The following NXPH1 variants were observed in gnomAD, a reference collection of about 807,000 sequenced individuals.
NXPH1 encodes neurexophilin-1.
NXPH1 carries 5 observed loss-of-function variants against 23.7 expected under a neutral mutation model. The observed-to-expected ratio is 0.21, with a 90% confidence interval of 0.11 to 0.44. The LOEUF is 0.44. NXPH1 is among the 20% of genes least tolerant of loss of function. The pLI is 0.99. For missense variants in NXPH1, 324 were observed against 321.6 expected, an observed-to-expected ratio of 1.01 and a Z score of -0.06; for synonymous variants, 144 against 122.2, an observed-to-expected ratio of 1.18 and a Z score of -1.18.
At chr7:8,579,914 G>A (rs752793058) in intron 2 of NXPH1, among the ~76,000 whole-genome samples, 12 of 152,296 alleles carry the variant, frequency 7.9e-5, no homozygotes, top group East Asian at 1.9e-4. Context: ...TGCATTGAAT[G>A]CCTCTGGCTT....
intron 2 of NXPH1, among the ~76,000 whole-genome samples, chr7:8,732,077 A>G (rs574939645): frequency 2.6e-5 from 4 of 152,316 alleles, no homozygotes; most frequent in African/African-American, 7.2e-5. Context: ...GAAAAGCGCA[A>G]TATTCGGGTG....
chr7:8,722,079 G>A (rs1779979181), intron 2 of NXPH1, among the ~76,000 whole-genome samples: 1 of 151,936 alleles, frequency 6.6e-6, no homozygotes, highest in Admixed American at 6.6e-5. Flanking sequence ...TTCATTAGAG[G>A]GTGAAAAGTA....
chr7:8,616,661 CA>C (rs537418912), intron 2 of NXPH1, among the ~76,000 whole-genome samples: 30 of 151,936 alleles, frequency 2.0e-4, no homozygotes, highest in African/African-American at 7.0e-4. Context: ...GCATGGCAGC[CA>C]GGGGGGACTG....
intron 2 of NXPH1, among the ~76,000 whole-genome samples, chr7:8,526,290 T>C (rs1042108527): frequency 1.1e-4 from 17 of 152,216 alleles, no homozygotes; most frequent in African/African-American, 4.1e-4. Context: ...GTAGCTGTAT[T>C]TAACTAATGC....
At chr7:8,450,724 A>G (rs925474619) in intron 2 of NXPH1, among the ~76,000 whole-genome samples, 33 of 152,222 alleles carry the variant, frequency 2.2e-4, no homozygotes, top group Non-Finnish European at 4.1e-4. Context: ...TTTCACCTTT[A>G]TGTGGATTTA....
intron 2 of NXPH1, among the ~76,000 whole-genome samples, chr7:8,511,900 T>G (rs1459937845): frequency 6.6e-6 from 1 of 152,110 alleles, no homozygotes; most frequent in East Asian, 1.9e-4. Context: ...CAAGGTTGAC[T>G]GAAAGAAAGT....
At chr7:8,739,500 A>C (rs1780324970) in intron 2 of NXPH1, among the ~76,000 whole-genome samples, 1 of 152,044 alleles carries the variant, frequency 6.6e-6, no homozygotes. Flanking sequence ...ATTCCCTGTG[A>C]GATGAGCTGC....
At chr7:8,555,278 C>T (rs1302115359) in intron 2 of NXPH1, among the ~76,000 whole-genome samples, 1 of 151,634 alleles carries the variant, frequency 6.6e-6, no homozygotes, top group Non-Finnish European at 1.5e-5. Flanking sequence ...CAACTAAGAG[C>T]AGCTTTTATT....
At chr7:8,598,733 G>A (rs1037781151) in intron 2 of NXPH1, among the ~76,000 whole-genome samples, 6 of 152,042 alleles carry the variant, frequency 3.9e-5, no homozygotes, top group African/African-American at 1.4e-4. Flanking sequence ...ATCTGCAGGG[G>A]GATGCAAAGA....
At chr7:8,666,095 T>A (rs1203138892) in intron 2 of NXPH1, among the ~76,000 whole-genome samples, 2 of 151,940 alleles carry the variant, frequency 1.3e-5, no homozygotes, top group African/African-American at 4.8e-5. Context: ...CTGAAAAATG[T>A]GGGAAGAGTG....
chr7:8,509,368 G>T (rs1411308318), intron 2 of NXPH1, among the ~76,000 whole-genome samples: 7 of 152,024 alleles, frequency 4.6e-5, no homozygotes, highest in African/African-American at 1.7e-4. Flanking sequence ...ACCTTGCTTT[G>T]GAAGAGCACG....
chr7:8,747,025 A>G (rs147643190), intron 2 of NXPH1, among the ~76,000 whole-genome samples: 2 of 152,310 alleles, frequency 1.3e-5, no homozygotes, highest in Non-Finnish European at 2.9e-5. Context: ...GACAACAGCT[A>G]AGACGACTAT....
intron 2 of NXPH1, among the ~76,000 whole-genome samples, chr7:8,651,622 T>C (rs4548083): frequency 0.71 from 107,071 of 151,562 alleles, 38,547 homozygotes; most frequent in East Asian, 1. Context: ...TTTAAGTTGC[T>C]AAATAAAATT....
chr7:8,528,406 A>T (rs1817899253), intron 2 of NXPH1, among the ~76,000 whole-genome samples: 1 of 152,264 alleles, frequency 6.6e-6, no homozygotes. Flanking sequence ...TTTGGTTTGC[A>T]GAAATGCTTT....
rs1816180313 is a variant in NXPH1, at chr7:8,435,651, T to G, written c.-63T>G. On this transcript the variant is annotated 5_prime_UTR_variant, in exon 2 of 3. Coordinates refer to ENST00000405863, the MANE Select transcript of NXPH1 (RefSeq NM_152745.3). This position sits in a 1 kb window ranked among gnomAD's most constrained non-coding sequence, Gnocchi z 5.9. ...CTGTAAAGTGGATGTCAGGTGGATC[T>G]ATGTTTCTGAAGGAACAAAGACTCA... The G allele has an allele frequency of 6.8e-7, 1 of 1,471,316 alleles. No individual in the cohort carries two copies. The highest frequency in any genetic ancestry group is 1.7e-5 in the Admixed American group (1 of 59,836). The allele number at this position is 1,471,316 out of a possible 1,614,324, so 91.1% of individuals were successfully genotyped here.
intron 2 of NXPH1, among the ~76,000 whole-genome samples, chr7:8,634,999 C>T (rs988843879): frequency 1.3e-5 from 2 of 152,084 alleles, no homozygotes; most frequent in East Asian, 3.8e-4. Context: ...GAAGTGCAAA[C>T]AACATTTGAT....
intron 2 of NXPH1, among the ~76,000 whole-genome samples, chr7:8,570,277 G>A (rs1229692195): frequency 3.9e-5 from 6 of 151,936 alleles, no homozygotes; most frequent in African/African-American, 1.2e-4. Context: ...TGATAATGGA[G>A]GCAGCATAGT....
At chr7:8,444,033 C>T (rs575494529) in intron 2 of NXPH1, among the ~76,000 whole-genome samples, 3 of 152,324 alleles carry the variant, frequency 2.0e-5, no homozygotes, top group Admixed American at 6.5e-5. Context: ...GCAGCGGTCA[C>T]ACCGTTGATT....
intron 2 of NXPH1, among the ~76,000 whole-genome samples, chr7:8,654,728 T>A (rs1347828644): frequency 6.6e-6 from 1 of 152,120 alleles, no homozygotes. Flanking sequence ...TGGGAAGAGG[T>A]GCTCTAGGTG....
Sources: allele counts gnomAD v4.1 joint callset (sites outside exome capture counted in the v4.1 genomes callset), GRCh38; gene constraint gnomAD v4.1.1; non-coding constraint Gnocchi (gnomAD v3.1); transcripts MANE v1.5; gene names NCBI Gene and HGNC (gene_info 2026-07-23, HGNC 2026-07-21).